The following HYCC1 variants were observed in gnomAD, a reference collection of about 807,000 sequenced individuals.
HYCC1 encodes hyccin.
the HYCC1 span, among the ~76,000 whole-genome samples, chr7:22,991,981 A>G: frequency 6.6e-6 from 1 of 152,102 alleles, no homozygotes; most frequent in Admixed American, 6.5e-5. Context: ...TTACTTGGGT[A>G]AGATATATTT....
the HYCC1 span, among the ~76,000 whole-genome samples, chr7:22,930,190 T>G: frequency 2.0e-4 from 14 of 71,676 alleles, no homozygotes; most frequent in African/African-American, 7.0e-4. Context: ...CGGGGACTGT[T>G]GTGGGGTGGG....
chr7:22,979,492 G>A, the HYCC1 span, among the ~76,000 whole-genome samples: 47 of 152,290 alleles, frequency 3.1e-4, no homozygotes, highest in East Asian at 5.8e-4. Context: ...GAGATAGCAA[G>A]AAAAGTTTTT....
the HYCC1 span, among the ~76,000 whole-genome samples, chr7:22,901,664 C>G: frequency 6.6e-6 from 1 of 151,732 alleles, no homozygotes; most frequent in East Asian, 1.9e-4. Context: ...AACAATAAGA[C>G]AAGAATATTA....
At chr7:22,945,784 G>A in the HYCC1 span, 10 of 1,613,610 alleles carry the variant, frequency 6.2e-6, no homozygotes, top group East Asian at 4.5e-5. Flanking sequence ...TGACACCACT[G>A]ACTTGTTCAA....
At chr7:22,921,696 A>G in the HYCC1 span, among the ~76,000 whole-genome samples, 146 of 152,326 alleles carry the variant, frequency 9.6e-4, no homozygotes, top group African/African-American at 3.5e-3. Context: ...TAAAAATAAT[A>G]GCAACATAAA....
chr7:22,994,280 T>A, the HYCC1 span, among the ~76,000 whole-genome samples: 1 of 152,218 alleles, frequency 6.6e-6, no homozygotes, highest in East Asian at 1.9e-4. Flanking sequence ...GAATAAACTA[T>A]ATCTGTGTTA....
chr7:23,003,814 G>A, the HYCC1 span, among the ~76,000 whole-genome samples: 10 of 152,294 alleles, frequency 6.6e-5, no homozygotes, highest in African/African-American at 2.4e-4. Context: ...AAAGAGGGAA[G>A]TGCAATGAGA....
the HYCC1 span, among the ~76,000 whole-genome samples, chr7:22,901,992 A>G: frequency 2.0e-5 from 3 of 152,170 alleles, no homozygotes; most frequent in Admixed American, 2.0e-4. Flanking sequence ...TCAAGTACAC[A>G]TGGTACATTC....
At chr7:22,933,874 T>C in the HYCC1 span, among the ~76,000 whole-genome samples, 1 of 152,226 alleles carries the variant, frequency 6.6e-6, no homozygotes, top group African/African-American at 2.4e-5. Flanking sequence ...TTTGAAATTT[T>C]TGACACAATG....
the HYCC1 span, among the ~76,000 whole-genome samples, chr7:22,933,943 A>G: frequency 2.6e-5 from 4 of 152,264 alleles, no homozygotes. Flanking sequence ...TGGTGGGAAG[A>G]TAGAGTGGTG....
chr7:22,995,734 A>G, the HYCC1 span, among the ~76,000 whole-genome samples: 1 of 152,196 alleles, frequency 6.6e-6, no homozygotes, highest in Admixed American at 6.5e-5. Flanking sequence ...TGTAGACACT[A>G]TCTCTTCCAG....
At chr7:22,909,055 C>T in the HYCC1 span, among the ~76,000 whole-genome samples, 1 of 152,142 alleles carries the variant, frequency 6.6e-6, no homozygotes. Context: ...TGGGAGAGGA[C>T]AACTAGAAAC....
the HYCC1 span, among the ~76,000 whole-genome samples, chr7:22,924,171 C>T: frequency 9.4e-6 from 1 of 106,562 alleles, no homozygotes; most frequent in Non-Finnish European, 1.9e-5. Flanking sequence ...GAGCGAGACT[C>T]TGTATCAAAA....
At chr7:22,994,259 T>A in the HYCC1 span, among the ~76,000 whole-genome samples, 1 of 152,210 alleles carries the variant, frequency 6.6e-6, no homozygotes, top group Non-Finnish European at 1.5e-5. Flanking sequence ...CAACAAAATA[T>A]AACTTTTAAT....
chr7:22,914,862 T>TC, the HYCC1 span, among the ~76,000 whole-genome samples: 133 of 152,074 alleles, frequency 8.7e-4, no homozygotes, highest in African/African-American at 2.9e-3. Flanking sequence ...TTCTATCACC[T>TC]CCCCTCCTTA....
chr7:23,004,952 C>T, the HYCC1 span, among the ~76,000 whole-genome samples: 1 of 152,032 alleles, frequency 6.6e-6, no homozygotes, highest in Non-Finnish European at 1.5e-5. Flanking sequence ...ACTACAAGCA[C>T]GTGCCACCAT....
the HYCC1 span, among the ~76,000 whole-genome samples, chr7:22,995,541 C>T: frequency 6.6e-6 from 1 of 152,092 alleles, no homozygotes; most frequent in Non-Finnish European, 1.5e-5. Context: ...TTAAGCCAAC[C>T]TGAAAGAACA....
At chr7:22,990,902 G>C in the HYCC1 span, among the ~76,000 whole-genome samples, 1 of 152,142 alleles carries the variant, frequency 6.6e-6, no homozygotes, top group Non-Finnish European at 1.5e-5. Context: ...TCCTAGAAAA[G>C]ATTACTATGT....
At chr7:22,901,351 A>G in the HYCC1 span, among the ~76,000 whole-genome samples, 55 of 152,056 alleles carry the variant, frequency 3.6e-4, no homozygotes, top group Non-Finnish European at 7.1e-4. Context: ...AAAACTAAAA[A>G]TAGAAAAAAA....
Sources: gnomAD v4.1 joint callset for allele counts (sites outside exome capture counted in the v4.1 genomes callset) on GRCh38, gnomAD v4.1.1 for gene constraint, MANE v1.5 for transcripts, NCBI Gene and HGNC (gene_info 2026-07-23, HGNC 2026-07-21) for gene names.